The following DTNA variants were observed in gnomAD, a reference collection of about 807,000 sequenced individuals.
DTNA encodes dystrobrevin alpha.
In DTNA, 43 loss-of-function variants were observed where a neutral mutation model predicts 100.7. That is an observed-to-expected ratio of 0.43 (90% CI 0.33 to 0.55). The LOEUF is 0.55. Among genes scored for constraint, DTNA ranks in the 20% least tolerant of loss-of-function variants. DTNA has a pLI of 0.04. For missense variants in DTNA, 798 were observed against 953.9 expected, an observed-to-expected ratio of 0.84 and a Z score of 2.15; for synonymous variants, 349 against 347.9, an observed-to-expected ratio of 1.00 and a Z score of -0.04.
chr18:34,847,907 T>C (rs1027347992), intron 13 of DTNA, among the ~76,000 whole-genome samples: 30 of 152,234 alleles, frequency 2.0e-4, no homozygotes, highest in African/African-American at 7.2e-4. Flanking sequence ...ACAATGATGT[T>C]TTTCTTTCTT....
At chr18:34,844,260 T>A (rs1395614549) in intron 13 of DTNA, among the ~76,000 whole-genome samples, 5 of 152,182 alleles carry the variant, frequency 3.3e-5, no homozygotes. Flanking sequence ...TAAATTCTTA[T>A]TGTTATCCAT....
intron 1 of DTNA, among the ~76,000 whole-genome samples, chr18:34,510,971 A>G (rs2041020994): frequency 6.6e-6 from 1 of 152,082 alleles, no homozygotes; most frequent in South Asian, 2.1e-4. Context: ...GGAGATTGGT[A>G]TTGACAGAAA....
At chr18:34,866,763 A>G (rs919820403) in intron 17 of DTNA, 30 of 990,352 alleles carry the variant, frequency 3.0e-5, no homozygotes, top group Admixed American at 1.2e-4. Context: ...CTCTTCCCCA[A>G]AGCAGAATCC....
chr18:34,519,369 A>T (rs933047486), intron 1 of DTNA, among the ~76,000 whole-genome samples: 4 of 152,166 alleles, frequency 2.6e-5, no homozygotes, highest in Admixed American at 6.6e-5. Context: ...AACATTAAGG[A>T]TTAATGTAGA....
chr18:34,790,342 AGGGG>A (rs2094668646), intron 3 of DTNA, among the ~76,000 whole-genome samples: 9 of 148,962 alleles, frequency 6.0e-5, no homozygotes, highest in South Asian at 2.1e-4. Context: ...GGTGCATGCA[AGGGG>A]TATAAAACCC....
At chr18:34,612,635 A>G (rs949398792) in intron 1 of DTNA, among the ~76,000 whole-genome samples, 1 of 152,226 alleles carries the variant, frequency 6.6e-6, no homozygotes, top group African/African-American at 2.4e-5. Flanking sequence ...GTGATTAGCT[A>G]TATTGAAAAG....
chr18:34,514,906 A>ACACAGACATTCAGAC (rs1259512614), intron 1 of DTNA, among the ~76,000 whole-genome samples: 1 of 151,882 alleles, frequency 6.6e-6, no homozygotes, highest in Non-Finnish European at 1.5e-5. Flanking sequence ...TTTCAGGGGG[A>ACACAGACATTCAGAC]CACAGACATT....
intron 1 of DTNA, among the ~76,000 whole-genome samples, chr18:34,600,606 T>C (rs2051595166): frequency 6.6e-6 from 1 of 152,244 alleles, no homozygotes; most frequent in Admixed American, 6.5e-5. Flanking sequence ...TGTTCATTTC[T>C]ACATATTTGA....
intron 1 of DTNA, among the ~76,000 whole-genome samples, chr18:34,530,664 A>G (rs1446784084): frequency 6.6e-6 from 1 of 152,120 alleles, no homozygotes; most frequent in Non-Finnish European, 1.5e-5. Flanking sequence ...TTTTGCATAT[A>G]TTATTTAACC....
chr18:34,568,846 C>G (rs143845701), intron 1 of DTNA, among the ~76,000 whole-genome samples: 1,729 of 152,158 alleles, frequency 0.011, 32 homozygotes, highest in African/African-American at 0.04. Context: ...CTGGTCTCAA[C>G]CTCAGGTGAT....
At chr18:34,856,202 C>G (rs565978582) in intron 15 of DTNA, among the ~76,000 whole-genome samples, 62 of 152,322 alleles carry the variant, frequency 4.1e-4, no homozygotes, top group Non-Finnish European at 7.3e-4. Flanking sequence ...GCAGCAAGTA[C>G]ATCCTAAGCT....
intron 1 of DTNA, among the ~76,000 whole-genome samples, chr18:34,702,245 A>T (rs1260494516): frequency 6.6e-6 from 1 of 152,168 alleles, no homozygotes; most frequent in African/African-American, 2.4e-5. Flanking sequence ...CAGAAAGGTC[A>T]GAGATACCAC....
intron 8 of DTNA, among the ~76,000 whole-genome samples, chr18:34,819,999 G>A (rs903080665): frequency 3.5e-5 from 5 of 143,728 alleles, no homozygotes; most frequent in Non-Finnish European, 6.1e-5. Context: ...CTTTCAAATG[G>A]CAAAAACCGC....
intron 1 of DTNA, among the ~76,000 whole-genome samples, chr18:34,696,861 G>A (rs565863079): frequency 6.6e-6 from 1 of 152,154 alleles, no homozygotes; most frequent in Non-Finnish European, 1.5e-5. Context: ...TATTTATTGA[G>A]AGCTGTTCAG....
chr18:34,640,888 G>T (rs1396271168), intron 1 of DTNA, among the ~76,000 whole-genome samples: 1 of 152,144 alleles, frequency 6.6e-6, no homozygotes, highest in Non-Finnish European at 1.5e-5. Flanking sequence ...TCATTGCATA[G>T]AAAGGACTAA....
chr18:34,606,579 A>G (rs1444069172), intron 1 of DTNA, among the ~76,000 whole-genome samples: 2 of 152,172 alleles, frequency 1.3e-5, no homozygotes, highest in Non-Finnish European at 2.9e-5. Context: ...TGAGGAATGC[A>G]GTGCCCAGTG....
At chr18:34,707,706 C>G (rs2082291907), upstream of DTNA, among the ~76,000 whole-genome samples, 1 of 152,162 alleles carries the variant, frequency 6.6e-6, no homozygotes, top group South Asian at 2.1e-4. Context: ...GTGAGAGTCT[C>G]TATTCAGCCA....
chr18:34,863,043 T>C (rs1241864227), intron 16 of DTNA, among the ~76,000 whole-genome samples: 1 of 152,222 alleles, frequency 6.6e-6, no homozygotes, highest in African/African-American at 2.4e-5. Flanking sequence ...TATGTAAGTA[T>C]GAATATTTCA....
intron 1 of DTNA, among the ~76,000 whole-genome samples, chr18:34,608,034 G>A (rs771898291): frequency 6.6e-6 from 1 of 152,170 alleles, no homozygotes; most frequent in African/African-American, 2.4e-5. Context: ...AAATTGCTAT[G>A]ATGGATGCCA....
Sources: gnomAD v4.1 joint callset for allele counts (sites outside exome capture counted in the v4.1 genomes callset) on GRCh38, gnomAD v4.1.1 for gene constraint, MANE v1.5 for transcripts, NCBI Gene and HGNC (gene_info 2026-07-23, HGNC 2026-07-21) for gene names.